Variants in AKAP7 observed in about 807,000 individuals in gnomAD.
The protein encoded by AKAP7 is A kinase (PRKA) anchor protein 7.
In AKAP7, 39 loss-of-function variants were observed where a neutral mutation model predicts 39.5. The observed-to-expected ratio is 0.99, with a 90% CI of 0.76 to 1.29. The LOEUF is 1.29. Among genes scored for constraint, AKAP7 ranks in the 50% most tolerant of loss-of-function variants. The pLI, the probability that AKAP7 is intolerant of heterozygous loss-of-function variation, is 0.00. For missense variants in AKAP7, 414 were observed against 407.7 expected, an observed-to-expected ratio of 1.02 and a Z score of -0.13; for synonymous variants, 140 against 139.1, an observed-to-expected ratio of 1.01 and a Z score of -0.05.
intron 5 of AKAP7, among the ~76,000 whole-genome samples, chr6:131,173,848 T>C (rs1240250843): frequency 1.3e-5 from 2 of 152,252 alleles, no homozygotes; most frequent in Non-Finnish European, 2.9e-5. Flanking sequence ...TTCATTGTTC[T>C]TTTAAATAAT....
At chr6:131,231,993 G>A (rs958385613) in intron 7 of AKAP7, among the ~76,000 whole-genome samples, 1 of 152,102 alleles carries the variant, frequency 6.6e-6, no homozygotes, top group Non-Finnish European at 1.5e-5. Flanking sequence ...ACGAAGCTTT[G>A]GGATAATTAA....
intron 1 of AKAP7, among the ~76,000 whole-genome samples, chr6:131,144,526 A>G (rs555798536): frequency 6.6e-5 from 10 of 152,346 alleles, no homozygotes; most frequent in African/African-American, 1.4e-4. Flanking sequence ...GTGTCTGTCA[A>G]TAAAGGCATG....
chr6:131,135,410 C>T (rs1800438957), upstream of AKAP7, among the ~76,000 whole-genome samples: 1 of 151,788 alleles, frequency 6.6e-6, no homozygotes, highest in Non-Finnish European at 1.5e-5. Flanking sequence ...CCTGCCCGAG[C>T]GCGTCCGCGC....
chr6:131,252,936 TG>T, intron 7 of AKAP7: 1 of 1,126,840 alleles, frequency 8.9e-7, no homozygotes, highest in Non-Finnish European at 1.3e-6. Flanking sequence ...TAACAGGCGG[TG>T]GCCCTAGAAT....
rs968184074 is a variant in AKAP7 at position 131,235,286 on chromosome 6, T to A, written c.850+15478T>A. Among the ~76,000 whole-genome samples the A allele has an allele frequency of 1.1e-3, 173 of 152,350 alleles. 1 individual carries two copies. Among genetic ancestry groups the A allele is most frequent in the Non-Finnish European group, 2.2e-3 (151 of 68,036 alleles). The stretch of plus-strand genomic sequence containing the variant: ...TATTCCATGGTGTATATGTGCCACA[T>A]TTTCTTAATCCAGTCTATCACTGTT... On this transcript the variant is annotated intron_variant, in intron 7 of 7. Transcript: ENST00000431975.
intron 6 of AKAP7, among the ~76,000 whole-genome samples, chr6:131,201,373 C>G (rs1231566794): frequency 6.6e-6 from 1 of 152,180 alleles, no homozygotes; most frequent in East Asian, 1.9e-4. Context: ...TTGAATGGTA[C>G]ATAAAATCTA....
intron 5 of AKAP7, among the ~76,000 whole-genome samples, chr6:131,170,702 G>T (rs1210589332): frequency 1.3e-5 from 2 of 152,014 alleles, no homozygotes; most frequent in African/African-American, 4.8e-5. Flanking sequence ...TTTCATTGTT[G>T]GTTTTTCTTT....
At chr6:131,229,982 C>T (rs903757936) in intron 7 of AKAP7, among the ~76,000 whole-genome samples, 2 of 152,086 alleles carry the variant, frequency 1.3e-5, no homozygotes, top group African/African-American at 4.8e-5. Flanking sequence ...TTTCTTAATC[C>T]AGTTCACCAT....
chr6:131,230,100 G>A (rs1016543822), intron 7 of AKAP7, among the ~76,000 whole-genome samples: 16 of 152,146 alleles, frequency 1.1e-4, no homozygotes, highest in Non-Finnish European at 2.1e-4. Flanking sequence ...ATTTTCATCT[G>A]GGTGTATACC....
Position 131,216,485 on chromosome 6 carries a change from G to A in AKAP7, c.703-3176G>A, listed in dbSNP as rs191667577. Among the ~76,000 whole-genome samples, 290 of 152,252 alleles carry A rather than the reference G, an allele frequency of 1.9e-3. 3 individuals carry two copies. Among genetic ancestry groups the A allele is most frequent in the Admixed American group, 0.018 (271 of 15,294 alleles). On this transcript the variant is annotated intron_variant, in intron 6 of 7. Transcript: ENST00000431975. ...ATTTTCTCTGGAGTGGACTGTTTGA[G>A]TGCCAAGTTACAACCAAGAATGAAA...
intron 5 of AKAP7, among the ~76,000 whole-genome samples, chr6:131,177,471 A>T (rs918448446): frequency 6.6e-6 from 1 of 152,102 alleles, no homozygotes; most frequent in African/African-American, 2.4e-5. Context: ...ATGAGAGCGT[A>T]CTCTTTAGTA....
chr6:131,169,553 T>G (rs1420349810), intron 5 of AKAP7, among the ~76,000 whole-genome samples: 1 of 152,186 alleles, frequency 6.6e-6, no homozygotes, highest in Admixed American at 6.5e-5. Flanking sequence ...GAGAGCCAGT[T>G]GGTGAATCAG....
At chr6:131,216,117 G>A (rs1001464089) in intron 6 of AKAP7, among the ~76,000 whole-genome samples, 2 of 152,036 alleles carry the variant, frequency 1.3e-5, no homozygotes, top group South Asian at 2.1e-4. Context: ...AAAATGTTTC[G>A]ACCTTCTTAA....
At chr6:131,217,443 G>GAT (rs1203887650) in intron 6 of AKAP7, among the ~76,000 whole-genome samples, 1 of 152,058 alleles carries the variant, frequency 6.6e-6, no homozygotes, top group Admixed American at 6.5e-5. Context: ...TTGAAATTGT[G>GAT]ATATATATCA....
intron 2 of AKAP7, among the ~76,000 whole-genome samples, chr6:131,150,804 G>A (rs1030449427): frequency 2.0e-5 from 3 of 152,108 alleles, no homozygotes; most frequent in African/African-American, 7.2e-5. Context: ...GCATAATAAT[G>A]GTAGCTGTCT....
intron 5 of AKAP7, among the ~76,000 whole-genome samples, chr6:131,171,142 A>C (rs767389540): frequency 6.6e-6 from 1 of 152,200 alleles, no homozygotes; most frequent in African/African-American, 2.4e-5. Flanking sequence ...GCCAGTGCCA[A>C]CTAGTACTTG....
At chr6:131,144,648 A>G (rs1425636506) in intron 1 of AKAP7, among the ~76,000 whole-genome samples, 1 of 152,152 alleles carries the variant, frequency 6.6e-6, no homozygotes, top group Admixed American at 6.5e-5. Flanking sequence ...TGATTGTTCT[A>G]CCCATAGCAA....
chr6:131,267,994 G>A (rs1443724602), intron 7 of AKAP7, among the ~76,000 whole-genome samples: 1 of 152,062 alleles, frequency 6.6e-6, no homozygotes, highest in African/African-American at 2.4e-5. Flanking sequence ...AAAGATGAAA[G>A]CATGGGAAGG....
At chr6:131,252,925 G>A in intron 7 of AKAP7, 2 of 1,024,990 alleles carry the variant, frequency 2.0e-6, no homozygotes, top group Non-Finnish European at 3.0e-6. Flanking sequence ...TTCTAATTCT[G>A]TAACAGGCGG....
Sources: gnomAD v4.1 joint callset for allele counts (sites outside exome capture counted in the v4.1 genomes callset) on GRCh38, gnomAD v4.1.1 for gene constraint, MANE v1.5 for transcripts, NCBI Gene and HGNC (gene_info 2026-07-23, HGNC 2026-07-21) for gene names.